The following ERI1 variants were observed in gnomAD, a reference collection of about 807,000 sequenced individuals.
ERI1 encodes 3'-5' exoribonuclease 1.
In ERI1, 39 loss-of-function variants were observed where a neutral mutation model predicts 39.7. That is an observed-to-expected ratio of 0.98 (90% CI 0.76 to 1.28). The LOEUF is 1.28. Ranked by LOEUF, ERI1 falls within the 50% of genes most tolerant of loss-of-function variation. The pLI is 0.00. For missense variants in ERI1, 581 were observed against 416.9 expected (o/e 1.39, Z -3.43); for synonymous variants, 204 against 149.6 (o/e 1.36, Z -2.65).
intron 3 of ERI1, among the ~76,000 whole-genome samples, chr8:9,044,952 A>G (rs2117355956): frequency 6.6e-6 from 1 of 152,186 alleles, no homozygotes; most frequent in Non-Finnish European, 1.5e-5. Context: ...AAGAGTAGTA[A>G]TATTGCCAGG....
chr8:9,092,343 T>C (rs1799733633), intron 3 of ERI1, among the ~76,000 whole-genome samples: 2 of 152,182 alleles, frequency 1.3e-5, no homozygotes, highest in Admixed American at 6.6e-5. Context: ...TGGAGGGGTG[T>C]TGGCTTCTCG....
chr8:9,079,594 T>G (rs1360403900), intron 3 of ERI1, among the ~76,000 whole-genome samples: 1 of 152,224 alleles, frequency 6.6e-6, no homozygotes, highest in Non-Finnish European at 1.5e-5. Flanking sequence ...CTGGAATAGT[T>G]TAGCCGAAGT....
intron 3 of ERI1, among the ~76,000 whole-genome samples, chr8:9,073,074 A>G (rs1223262011): frequency 6.6e-6 from 1 of 152,172 alleles, no homozygotes; most frequent in Non-Finnish European, 1.5e-5. Context: ...CACACTCATC[A>G]GGGAACAAAT....
rs548552749 is a variant in ERI1, at chr8:9,023,393, T to A, written c.807+2929T>A. 5.2e-4 allele frequency among the ~76,000 whole-genome samples: 79 copies of A among 152,280 alleles called. 1 individual carries two copies. The South Asian group carries it at 0.016, about 31-fold the overall frequency. ...TTGCTACAACTCCCAGATGGAATAA[T>A]TTTTATTATTAAAAATTAATAAACC... is the stretch of plus-strand genomic sequence containing the variant. On this transcript the variant is annotated intron_variant, in intron 6 of 6. Transcript: ENST00000250263.
In ERI1 at chr8:9,020,448, A is replaced by G. The variant is rs1817761373; in HGVS notation, c.791A>G (p.Tyr264Cys). 4 of 1,598,024 alleles carry G rather than the reference A, an allele frequency of 2.5e-6. No homozygotes were observed. Among genetic ancestry groups the G allele is most frequent in the South Asian group, 1.1e-5 (1 of 87,324 alleles). ...AKKWINIRKS[Y>C]GNFYKVPRSQ... is the part of the protein sequence containing the mutation. ...AAGTGGATCAATATTCGGAAGTCAT[A>G]TGGAAATTTTTACAAGGTAAAATTT... Residue 264 changes from tyrosine (Y) to cysteine (C), a missense_variant, in exon 6 of 7, where the codon TAT (tyrosine) becomes TGT (cysteine). Physicochemically the swap from Tyr to Cys is radical, Grantham distance 194. Coordinates refer to ENST00000250263, the MANE Select transcript of ERI1 (RefSeq NM_153332.4).
intron 6 of ERI1, among the ~76,000 whole-genome samples, chr8:9,022,102 G>A (rs946338781): frequency 6.6e-6 from 1 of 151,768 alleles, no homozygotes; most frequent in African/African-American, 2.4e-5. Flanking sequence ...GTACCAGTTT[G>A]CACTCTTATC....
chr8:9,029,735 G>C, intron 6 of ERI1, 57 bp from the exon 7 acceptor site: 1 of 1,587,184 alleles, frequency 6.3e-7, no homozygotes, highest in Non-Finnish European at 8.6e-7. Context: ...CTTAACTGTG[G>C]CTTATATTAC....
intron 3 of ERI1, chr8:9,049,740 T>A (rs1320451646): frequency 6.6e-6 from 1 of 151,968 alleles, no homozygotes; most frequent in Non-Finnish European, 1.5e-5. Context: ...CTCCTGTGCC[T>A]CCCACAACCC....
chr8:9,098,723 T>TA (rs899591845), intron 3 of ERI1, among the ~76,000 whole-genome samples: 11 of 149,830 alleles, frequency 7.3e-5, no homozygotes, highest in East Asian at 1.9e-4. Context: ...CCTATTGAAA[T>TA]AAAAAAAAAA....
chr8:9,066,962 G>A (rs1298284130), intron 3 of ERI1, among the ~76,000 whole-genome samples: 1 of 152,158 alleles, frequency 6.6e-6, no homozygotes, highest in Non-Finnish European at 1.5e-5. Context: ...GTGGCAGATG[G>A]GAATAAACGC....
intron 3 of ERI1, among the ~76,000 whole-genome samples, chr8:9,042,973 G>C (rs1798071301): frequency 6.6e-6 from 1 of 152,182 alleles, no homozygotes; most frequent in African/African-American, 2.4e-5. Flanking sequence ...AGTCTGCAAG[G>C]ATCTGGAGAA....
At chr8:9,044,254 G>C (rs560036054) in intron 3 of ERI1, among the ~76,000 whole-genome samples, 102 of 152,324 alleles carry the variant, frequency 6.7e-4, no homozygotes, top group Non-Finnish European at 1.2e-3. Context: ...AGCATGGCAT[G>C]CTGGATGCAG....
At chr8:9,064,908 CAG>C (rs544231297) in intron 3 of ERI1, among the ~76,000 whole-genome samples, 118 of 152,080 alleles carry the variant, frequency 7.8e-4, no homozygotes, top group Admixed American at 2.1e-3. Flanking sequence ...CGAAGGGAGA[CAG>C]GGGTGGGGCT....
rs569363389 is a variant in ERI1, at chr8:9,061,418, G to A, written n.299+40954G>A. Among the ~76,000 whole-genome samples, 5 of 152,332 alleles carry A rather than the reference G, an allele frequency of 3.3e-5. No individual in the cohort carries two copies. The East Asian group carries it at 5.8e-4, about 18-fold the overall frequency. ...GGGGAGCAGAAAGTATATGCATCAG[G>A]TGTGAGGCAGAAAATAGACTTGGGA... On this transcript the variant is annotated intron_variant and non_coding_transcript_variant, in intron 3 of 3. Transcript: ENST00000518663.
Position 9,074,709 on chromosome 8 carries a change from A to G in ERI1, n.300-41639A>G, listed in dbSNP as rs556223770. Among the ~76,000 whole-genome samples, 9 of 152,358 alleles carry G rather than the reference A, an allele frequency of 5.9e-5. No individual in the cohort carries two copies. The East Asian group carries it at 1.7e-3, about 29-fold the overall frequency. On this transcript the variant is annotated intron_variant and non_coding_transcript_variant, in intron 3 of 3. Transcript: ENST00000518663. ...TTGGGCTTCCAAAGTTGCTGGGGTT[A>G]CAGGCGTGAGCCACTGCGCCCAGCC...
At chr8:9,086,235 G>A (rs1040022979) in intron 3 of ERI1, among the ~76,000 whole-genome samples, 2 of 152,100 alleles carry the variant, frequency 1.3e-5, no homozygotes, top group East Asian at 3.9e-4. Context: ...ACAAGATGGT[G>A]AGACCACCAA....
At chr8:9,070,057 G>C (rs2117422975) in intron 3 of ERI1, among the ~76,000 whole-genome samples, 1 of 152,070 alleles carries the variant, frequency 6.6e-6, no homozygotes, top group African/African-American at 2.4e-5. Flanking sequence ...TGGTTAACAT[G>C]GTGAAACCCT....
chr8:9,091,032 AT>A (rs990949756), intron 3 of ERI1, among the ~76,000 whole-genome samples: 1 of 152,192 alleles, frequency 6.6e-6, no homozygotes, highest in Non-Finnish European at 1.5e-5. Context: ...TTCTGAAAAT[AT>A]TTTTTTCCAA....
chr8:9,088,447 A>C (rs1799596657), intron 3 of ERI1: 1 of 152,194 alleles, frequency 6.6e-6, no homozygotes, highest in Non-Finnish European at 1.5e-5. Context: ...CGACATTCTT[A>C]TTATCATTAA....
Sources: gnomAD v4.1 joint callset for allele counts (sites outside exome capture counted in the v4.1 genomes callset) on GRCh38, gnomAD v4.1.1 for gene constraint, MANE v1.5 for transcripts, NCBI Gene and HGNC (gene_info 2026-07-23, HGNC 2026-07-21) for gene names.